The following SPNS2 variants were observed in gnomAD, a reference collection of about 807,000 sequenced individuals.
SPNS2 encodes the protein SPNS lysolipid transporter 2, sphingosine-1-phosphate.
SPNS2 carries 37 observed loss-of-function variants against 57.6 expected under a neutral mutation model. The observed-to-expected ratio is 0.64, with a 90% CI of 0.49 to 0.85. The LOEUF is 0.85. SPNS2 is among the 40% of genes least tolerant of loss of function. The probability of loss-of-function intolerance (pLI) is 0.00; values close to 1 mark genes in which losing one functional copy is unlikely to be tolerated. For missense variants in SPNS2, 831 were observed against 779.1 expected (o/e 1.07, Z -0.79); for synonymous variants, 440 against 346.9 (o/e 1.27, Z -2.98).
Position 4,537,663 on chromosome 17 carries a change from G to A in SPNS2, c.*215G>A, listed in dbSNP as rs145484746. On this transcript the variant is annotated 3_prime_UTR_variant, in exon 13 of 13. Transcript: ENST00000329078. ...AAGGATGTGTGTGTTGGAGCCACAC[G>A]GTTGGACAGGTTCCCAGCCCTAGGT... 4,956 of 456,788 alleles carry A rather than the reference G, an allele frequency of 0.011. 58 individuals carry two copies. Among genetic ancestry groups the A allele is most frequent in the South Asian group, 0.021 (1,356 of 64,574 alleles). 28.3% of individuals were successfully genotyped at this position (456,788 alleles called of 1,614,324 possible). A position where few individuals can be genotyped will look rare whatever the true frequency, so the allele number is the denominator to read the frequency against.
chr17:4,532,805 G>A, intron 6 of SPNS2, 121 bp downstream of exon 6: 1 of 1,455,546 alleles, frequency 6.9e-7, no homozygotes, highest in East Asian at 2.3e-5. Context: ...CTGTCTCAGT[G>A]CTGGGAGGGA....
rs1904416095 is a variant in SPNS2, at chr17:4,499,862, G to T, written c.370+445G>T. ...CCGTCAGTTCCTTCCTTTCTCCGCC[G>T]CCTCCACCCCCCTGCGTGCGTGCGG... On this transcript the variant is annotated intron_variant, in intron 1 of 12. Transcript: ENST00000329078. This position sits in a 1 kb window ranked among gnomAD's most constrained non-coding sequence, Gnocchi z 5.2. Among the ~76,000 whole-genome samples, 1 of 152,132 alleles carries T rather than the reference G, an allele frequency of 6.6e-6. No homozygotes were observed. Among genetic ancestry groups the T allele is most frequent in the African/African-American group, 2.4e-5 (1 of 41,428 alleles).
intron 2 of SPNS2, among the ~76,000 whole-genome samples, chr17:4,523,628 C>A (rs913869257): frequency 6.6e-6 from 1 of 152,002 alleles, no homozygotes; most frequent in Non-Finnish European, 1.5e-5. Flanking sequence ...ATCAGCAGAG[C>A]GTGATGGTGT....
Position 4,536,926 on chromosome 17 carries a change from C to CGTG in SPNS2, c.1634_1635insGTG (p.Ala545_Ser546insTer), listed in dbSNP as rs751587571. 1.9e-6 allele frequency: 3 copies of CGTG among 1,613,730 alleles called. No homozygotes were observed. The highest frequency in any genetic ancestry group is 1.7e-5 in the Admixed American group (1 of 59,978). On this transcript the variant is annotated stop_gained and inframe_insertion, in exon 12 of 13. Coordinates refer to ENST00000329078, the MANE Select transcript of SPNS2 (RefSeq NM_001124758.3). LOFTEE classifies it high-confidence loss of function. ...GTGAACCAGCTGGCGATGCCGCCCG[C>CGTG]ATCTGTGAAAGTCTGAGGTGGTGAG...
In SPNS2 at chr17:4,537,862, A is replaced by G. The variant is rs756775422; in HGVS notation, c.*414A>G. 1.8e-5 allele frequency: 8 copies of G among 452,894 alleles called. No homozygotes were observed. Among genetic ancestry groups the G allele is most frequent in the Non-Finnish European group, 3.6e-5 (8 of 224,168 alleles). 28.1% of individuals were successfully genotyped at this position (452,894 alleles called of 1,614,324 possible). ...ACTTGCTGGGCAAAGCACGATCTGCAGCTTTGAAGACTCAACAGACCCTGG... is the reference window on the plus strand; with the variant it reads ...ACTTGCTGGGCAAAGCACGATCTGCGGCTTTGAAGACTCAACAGACCCTGG... On this transcript the variant is annotated 3_prime_UTR_variant, in exon 13 of 13. Coordinates refer to ENST00000329078, the MANE Select transcript of SPNS2 (RefSeq NM_001124758.3).
chr17:4,513,191 T>C, intron 1 of SPNS2, 56 bp from the exon 2 acceptor site: 2 of 1,591,788 alleles, frequency 1.3e-6, no homozygotes, highest in Admixed American at 3.3e-5. Flanking sequence ...TGGGCTGGTC[T>C]GTGGGGACAC....
intron 1 of SPNS2, among the ~76,000 whole-genome samples, chr17:4,507,866 C>G (rs1904722900): frequency 6.6e-6 from 1 of 152,326 alleles, no homozygotes; most frequent in African/African-American, 2.4e-5. Flanking sequence ...CTGGCCTGAG[C>G]CGAGGGCTCT....
At chr17:4,506,299 G>A (rs1369577781) in intron 1 of SPNS2, among the ~76,000 whole-genome samples, 1 of 152,154 alleles carries the variant, frequency 6.6e-6, no homozygotes, top group East Asian at 1.9e-4. Flanking sequence ...GCCATTCTGA[G>A]GTCTCTTATC....
intron 2 of SPNS2, among the ~76,000 whole-genome samples, chr17:4,518,241 C>T (rs1056167611): frequency 1.3e-5 from 2 of 152,118 alleles, no homozygotes; most frequent in African/African-American, 2.4e-5. Context: ...ATGTGTGTCT[C>T]GGGCCGGGCG....
chr17:4,536,798 C>T (rs756536674), intron 11 of SPNS2, 102 bp from the exon 12 acceptor site: 8 of 964,346 alleles, frequency 8.3e-6, no homozygotes, highest in Non-Finnish European at 1.1e-5. Flanking sequence ...CCCTGCCCAG[C>T]ACCTCCGGTC....
rs148341512 is a variant in SPNS2 at position 4,537,835 on chromosome 17, C to A, written c.*387C>A. On this transcript the variant is annotated 3_prime_UTR_variant, in exon 13 of 13. Transcript: ENST00000329078. ...GGCCAGGGGGCTGGACTTTCCCACA[C>A]AACTTGCTGGGCAAAGCACGATCTG... 1 of 454,914 alleles carries A rather than the reference C, an allele frequency of 2.2e-6. No homozygotes were observed. Among genetic ancestry groups the A allele is most frequent in the East Asian group, 7.0e-5 (1 of 14,304 alleles). The allele number at this position is 454,914 out of a possible 1,614,324, so 28.2% of individuals were successfully genotyped here.
At chr17:4,537,227 T>C (rs1172054932) in intron 12 of SPNS2, among the ~76,000 whole-genome samples, 1 of 151,884 alleles carries the variant, frequency 6.6e-6, no homozygotes, top group Non-Finnish European at 1.5e-5. Context: ...CTCCTCACTC[T>C]GTCCGGACTT....
intron 2 of SPNS2, among the ~76,000 whole-genome samples, chr17:4,519,322 C>T (rs1905077907): frequency 6.6e-6 from 1 of 152,242 alleles, no homozygotes; most frequent in Non-Finnish European, 1.5e-5. Context: ...GCCATGTGTG[C>T]CATGGGGATG....
chr17:4,522,755 G>A (rs1385133214), intron 2 of SPNS2, among the ~76,000 whole-genome samples: 6 of 152,206 alleles, frequency 3.9e-5, no homozygotes, highest in African/African-American at 1.4e-4. Flanking sequence ...TTTCCAGGGG[G>A]AGGGATGGGG....
intron 3 of SPNS2, among the ~76,000 whole-genome samples, chr17:4,527,744 C>G (rs1239652057): frequency 1.3e-5 from 2 of 152,158 alleles, no homozygotes; most frequent in African/African-American, 4.8e-5. Context: ...GCTGACAATA[C>G]CAAGTGTGAT....
intron 1 of SPNS2, among the ~76,000 whole-genome samples, chr17:4,502,114 G>T (rs754455761): frequency 3.3e-5 from 5 of 152,204 alleles, no homozygotes; most frequent in Non-Finnish European, 7.4e-5. Flanking sequence ...GGTGGCTCAC[G>T]CCTGTAAACC....
chr17:4,501,567 C>T (rs1235457803), intron 1 of SPNS2, among the ~76,000 whole-genome samples: 1 of 152,174 alleles, frequency 6.6e-6, no homozygotes, highest in Admixed American at 6.5e-5. Flanking sequence ...AGCTCACACA[C>T]CACCCCACCC....
chr17:4,499,061 A>AT lies in SPNS2; in HGVS notation c.14_15insT (p.Glu5AspfsTer33), dbSNP rs1367909920. ...ATCCGGGCCGGCATGATGTGCCTGG[A>AT]ATGCGCCTCGGCGGCGGCGGGCGGC... is the stretch of plus-strand genomic sequence containing the variant. On this transcript the variant is annotated frameshift_variant, in exon 1 of 13. Coordinates refer to ENST00000329078, the MANE Select transcript of SPNS2 (RefSeq NM_001124758.3). LOFTEE classifies it high-confidence loss of function. The surrounding 1 kb of genome is among the most constrained non-coding windows in gnomAD (Gnocchi z 5.2). 9.9e-7 allele frequency: 1 copy of AT among 1,012,460 alleles called. No individual in the cohort carries two copies. The highest frequency in any genetic ancestry group is 1.2e-6 in the Non-Finnish European group (1 of 850,246). 62.7% of individuals were successfully genotyped at this position (1,012,460 alleles called of 1,614,324 possible).
In SPNS2 at chr17:4,536,880, C is replaced by A; in HGVS notation, c.1608-20C>A. 6.2e-7 allele frequency: 1 copy of A among 1,612,598 alleles called. No individual in the cohort carries two copies. Among genetic ancestry groups the A allele is most frequent in the Non-Finnish European group, 8.5e-7 (1 of 1,179,438 alleles). On this transcript the variant is annotated intron_variant, in intron 11 of 12. Transcript: ENST00000329078. Reference sequence around the variant, plus strand: ...CCCCCGCTGATGCACCACCCTGACCCCCGCCCGTCTCTCCCCCAGGGTGAA... The same window carrying A: ...CCCCCGCTGATGCACCACCCTGACCACCGCCCGTCTCTCCCCCAGGGTGAA...
Sources: gnomAD v4.1 joint callset for allele counts (sites outside exome capture counted in the v4.1 genomes callset) on GRCh38, gnomAD v4.1.1 for gene constraint, Gnocchi (gnomAD v3.1) non-coding constraint, MANE v1.5 for transcripts, NCBI Gene and HGNC (gene_info 2026-07-23, HGNC 2026-07-21) for gene names.